PLEKHH2: variants seen among roughly 807,000 people sequenced by gnomAD.
The protein encoded by PLEKHH2 is pleckstrin homology domain-containing family H member 2.
Under a neutral mutation model 187.9 loss-of-function variants are expected in PLEKHH2, and 129 were observed. The observed-to-expected ratio is 0.69, with a 90% CI of 0.59 to 0.79. PLEKHH2 has a LOEUF of 0.79. Ranked by LOEUF, PLEKHH2 falls within the 30% of genes least tolerant of loss-of-function variation. The probability of loss-of-function intolerance (pLI) is 0.00; values close to 1 mark genes in which losing one functional copy is unlikely to be tolerated. For synonymous variants in PLEKHH2, 686 were observed against 605.6 expected, an observed-to-expected ratio of 1.13 and a Z score of -1.95; for missense variants, 2,076 against 1,751.2, an observed-to-expected ratio of 1.19 and a Z score of -3.31.
intron 3 of PLEKHH2, among the ~76,000 whole-genome samples, chr2:43,685,967 AG>A (rs1668483646): frequency 1.3e-5 from 2 of 152,168 alleles, no homozygotes; most frequent in Non-Finnish European, 2.9e-5. Flanking sequence ...CCCCTATAAA[AG>A]TATGTGTCTT....
At position 43,740,930 on chromosome 2, in the gene PLEKHH2, G is replaced by C; in HGVS notation, c.3124-16G>C. 2 of 1,612,454 alleles carry C rather than the reference G, an allele frequency of 1.2e-6. No homozygotes were observed. The highest frequency in any genetic ancestry group is 1.7e-6 in the Non-Finnish European group (2 of 1,179,270). On this transcript the variant is annotated splice_polypyrimidine_tract_variant and intron_variant, in intron 20 of 29. Transcript: ENST00000282406. ...TGGCACGTGGTATCTAACCTGTGGTGCTTCTCCCTGCCCAGGGCTGGCAGC... is the reference window on the plus strand; with the variant it reads ...TGGCACGTGGTATCTAACCTGTGGTCCTTCTCCCTGCCCAGGGCTGGCAGC...
intron 28 of PLEKHH2, among the ~76,000 whole-genome samples, chr2:43,762,846 A>G (rs1273998040): frequency 6.6e-6 from 1 of 152,210 alleles, no homozygotes; most frequent in African/African-American, 2.4e-5. Flanking sequence ...TTTAAATTCA[A>G]ACTATGATAT....
chr2:43,654,881 G>A (rs1194718262), intron 2 of PLEKHH2, among the ~76,000 whole-genome samples: 1 of 152,054 alleles, frequency 6.6e-6, no homozygotes, highest in African/African-American at 2.4e-5. Flanking sequence ...ACAAAAATTA[G>A]TTGGGCACAG....
At chr2:43,675,996 G>C in intron 2 of PLEKHH2, 1 of 1,613,948 alleles carries the variant, frequency 6.2e-7, no homozygotes, top group Non-Finnish European at 8.5e-7. Flanking sequence ...TTTCTATATT[G>C]AACAAATTAT....
intron 3 of PLEKHH2, chr2:43,679,701 G>T (rs1014636797): frequency 4.0e-5 from 7 of 175,822 alleles, no homozygotes; most frequent in African/African-American, 1.4e-4. Context: ...TGTTGGCCAG[G>T]ATGGCCTCAA....
intron 15 of PLEKHH2, 126 bp from the exon 16 acceptor site, chr2:43,720,543 A>C (rs879756646): frequency 2.1e-6 from 3 of 1,451,746 alleles, no homozygotes; most frequent in African/African-American, 2.9e-5. Context: ...TGGACAATCT[A>C]TTTGGAATAT....
At chr2:43,675,748 A>T in intron 2 of PLEKHH2, 1 of 1,613,848 alleles carries the variant, frequency 6.2e-7, no homozygotes, top group Non-Finnish European at 8.5e-7. Flanking sequence ...AAGTCTTTTC[A>T]TCAACTCTCT....
chr2:43,765,675 C>T lies in PLEKHH2; in HGVS notation c.*77C>T. 7.0e-7 allele frequency: 1 copy of T among 1,418,632 alleles called. No homozygotes were observed. The highest frequency in any genetic ancestry group is 9.5e-7 in the Non-Finnish European group (1 of 1,054,288). The allele number at this position is 1,418,632 out of a possible 1,614,324, so 87.9% of individuals were successfully genotyped here. A position where few individuals can be genotyped will look rare whatever the true frequency, so the allele number is the denominator to read the frequency against. On this transcript the variant is annotated 3_prime_UTR_variant, in exon 30 of 30. Coordinates refer to ENST00000282406, the MANE Select transcript of PLEKHH2 (RefSeq NM_172069.4). ...CAGCTCCCTACAAGTTCGTTTACACCTGGCAGCACGGCAGCCACACACCGG... is the reference window on the plus strand; with the variant it reads ...CAGCTCCCTACAAGTTCGTTTACACTTGGCAGCACGGCAGCCACACACCGG...
intron 2 of PLEKHH2, among the ~76,000 whole-genome samples, chr2:43,651,288 C>G (rs1449414834): frequency 6.7e-6 from 1 of 148,874 alleles, no homozygotes; most frequent in East Asian, 2.1e-4. Context: ...AAGCTGGTCT[C>G]GAACTCCTGA....
At chr2:43,743,134 G>A (rs1671645498) in intron 22 of PLEKHH2, among the ~76,000 whole-genome samples, 1 of 152,186 alleles carries the variant, frequency 6.6e-6, no homozygotes, top group Admixed American at 6.5e-5. Context: ...TAAGGGATGG[G>A]CTTCACTGCC....
In PLEKHH2 at chr2:43,742,726, A is replaced by G. The variant is rs756640400; in HGVS notation, c.3222-15A>G. 2 of 1,503,068 alleles carry G rather than the reference A, an allele frequency of 1.3e-6. No homozygotes were observed. 93.1% of individuals were successfully genotyped at this position (1,503,068 alleles called of 1,614,324 possible). A position where few individuals can be genotyped will look rare whatever the true frequency, so the allele number is the denominator to read the frequency against. On this transcript the variant is annotated splice_polypyrimidine_tract_variant and intron_variant, in intron 21 of 29. Coordinates refer to ENST00000282406, the MANE Select transcript of PLEKHH2 (RefSeq NM_172069.4). ...AAATTTATTCTTAGATTTTATCTTAAGTTTTGTATTACAGGACAGAATTTG... is the reference window on the plus strand; with the variant it reads ...AAATTTATTCTTAGATTTTATCTTAGGTTTTGTATTACAGGACAGAATTTG...
intron 16 of PLEKHH2, among the ~76,000 whole-genome samples, chr2:43,724,635 A>G (rs1670647771): frequency 6.6e-6 from 1 of 152,314 alleles, no homozygotes; most frequent in African/African-American, 2.4e-5. Flanking sequence ...AGAGCCTTGG[A>G]ATGCTCCTCC....
At chr2:43,745,759 T>A in intron 23 of PLEKHH2, 107 bp from the exon 24 acceptor site, 1 of 700,824 alleles carries the variant, frequency 1.4e-6, no homozygotes, top group Non-Finnish European at 2.3e-6. Flanking sequence ...TTGAGTATAT[T>A]TGGTTTGATC....
intron 16 of PLEKHH2, 87 bp downstream of exon 16, chr2:43,720,836 G>T: frequency 6.7e-7 from 1 of 1,492,762 alleles, no homozygotes; most frequent in Non-Finnish European, 8.9e-7. Flanking sequence ...CTCTTACTTT[G>T]TAAAACTTCA....
chr2:43,682,022 T>G (rs182270229), intron 3 of PLEKHH2, among the ~76,000 whole-genome samples: 78 of 152,182 alleles, frequency 5.1e-4, no homozygotes, highest in East Asian at 2.7e-3. Flanking sequence ...CAACAATTAG[T>G]CAAGTCATGC....
chr2:43,678,734 G>A (rs1004893235), intron 2 of PLEKHH2, 129 bp from the exon 3 acceptor site: 15 of 626,370 alleles, frequency 2.4e-5, no homozygotes, highest in Non-Finnish European at 4.3e-5. Context: ...GGGTAGAGGT[G>A]GAAGTGGAGG....
intron 8 of PLEKHH2, among the ~76,000 whole-genome samples, chr2:43,701,013 T>A (rs1669336170): frequency 6.6e-6 from 1 of 152,230 alleles, no homozygotes; most frequent in African/African-American, 2.4e-5. Context: ...AAATTTCTTC[T>A]TCTCTTCCCT....
chr2:43,765,479 C>G lies in PLEKHH2; in HGVS notation c.4363C>G (p.His1455Asp), dbSNP rs779721935. The change falls in exon 30 of 30, where the codon CAC becomes GAC. Residue 1455 changes from histidine to aspartate, a missense_variant. Coordinates refer to ENST00000282406, the MANE Select transcript of PLEKHH2 (RefSeq NM_172069.4). ...CTTCCATCAGCAAAAGGCAGCATTTCACCACCTCTCTGCTCCAGCACTGCT... is the reference window on the plus strand; with the variant it reads ...CTTCCATCAGCAAAAGGCAGCATTTGACCACCTCTCTGCTCCAGCACTGCT... ...NNFHQQKAAFHHLSAPALLSA... is the reference protein window; with the variant it reads ...NNFHQQKAAFDHLSAPALLSA... 1 of 1,614,122 alleles carries G rather than the reference C, an allele frequency of 6.2e-7. No homozygotes were observed. Among genetic ancestry groups the G allele is most frequent in the Non-Finnish European group, 8.5e-7 (1 of 1,180,004 alleles).
rs775976310 is a variant in PLEKHH2, at chr2:43,676,250, T to C, written c.124-2613T>C. ...TGTCGAATGTGAATTTGGCCAAACA[T>C]AGTTATCAAAACCCAGGAAATGCTC... On this transcript the variant is annotated intron_variant, in intron 2 of 29. Coordinates refer to ENST00000282406, the MANE Select transcript of PLEKHH2 (RefSeq NM_172069.4). The C allele has an allele frequency of 3.1e-6, 5 of 1,613,840 alleles. No homozygotes were observed. The South Asian group carries it at 4.4e-5, about 14-fold the overall frequency.
Sources: allele counts gnomAD v4.1 joint callset (sites outside exome capture counted in the v4.1 genomes callset), GRCh38; gene constraint gnomAD v4.1.1; transcripts MANE v1.5; gene names NCBI Gene and HGNC (gene_info 2026-07-23, HGNC 2026-07-21).